FHIT: variants seen among roughly 807,000 people sequenced by gnomAD.
FHIT encodes the protein bis(5'-adenosyl)-triphosphatase.
In FHIT, 19 loss-of-function variants were observed where a neutral mutation model predicts 17.9. The observed-to-expected ratio is 1.06, with a 90% CI of 0.74 to 1.56. FHIT has a LOEUF of 1.56. FHIT is among the 40% of genes most tolerant of loss of function. The probability of loss-of-function intolerance (pLI) is 0.00; values close to 1 mark genes in which losing one functional copy is unlikely to be tolerated. For synonymous variants in FHIT, 81 were observed against 69.7 expected, an observed-to-expected ratio of 1.16 and a Z score of -0.81; for missense variants, 248 against 189.2, an observed-to-expected ratio of 1.31 and a Z score of -1.82.
chr3:60,501,748 G>A (rs1362662223), intron 5 of FHIT, among the ~76,000 whole-genome samples: 1 of 152,162 alleles, frequency 6.6e-6, no homozygotes, highest in Non-Finnish European at 1.5e-5. Context: ...ATACCAAGTA[G>A]CTATCAACTT....
intron 5 of FHIT, among the ~76,000 whole-genome samples, chr3:60,148,662 A>G (rs988970273): frequency 1.3e-5 from 2 of 152,196 alleles, no homozygotes; most frequent in Non-Finnish European, 2.9e-5. Flanking sequence ...AAGACCAAAT[A>G]TCTGCCAGTG....
At chr3:60,939,688 T>G (rs1313997924) in intron 3 of FHIT, among the ~76,000 whole-genome samples, 20 of 152,150 alleles carry the variant, frequency 1.3e-4, no homozygotes, top group Non-Finnish European at 4.4e-5. Context: ...ACAGAAATTA[T>G]TATAACCGAA....
chr3:61,076,241 T>C (rs1335996117), intron 2 of FHIT, among the ~76,000 whole-genome samples: 3 of 152,198 alleles, frequency 2.0e-5, no homozygotes, highest in South Asian at 4.1e-4. Context: ...TTAAACCCTT[T>C]TGAATTTGCA....
intron 3 of FHIT, among the ~76,000 whole-genome samples, chr3:60,841,235 C>T (rs1485387851): frequency 6.6e-6 from 1 of 152,200 alleles, no homozygotes; most frequent in Non-Finnish European, 1.5e-5. Context: ...AAAGGACAAG[C>T]TGTCAATGTG....
intron 4 of FHIT, among the ~76,000 whole-genome samples, chr3:60,557,803 T>A (rs1238818196): frequency 6.6e-6 from 1 of 152,078 alleles, no homozygotes; most frequent in Non-Finnish European, 1.5e-5. Flanking sequence ...GAAAAATGCA[T>A]TTTGAGTCCA....
chr3:60,979,909 G>T (rs1710421147), intron 3 of FHIT, among the ~76,000 whole-genome samples: 1 of 152,218 alleles, frequency 6.6e-6, no homozygotes, highest in Admixed American at 6.5e-5. Flanking sequence ...TGAGCCACAT[G>T]ATATTGCCAT....
In FHIT at chr3:59,899,130, C is replaced by T. The variant is rs546278116; in HGVS notation, c.348+23216G>A. Among the ~76,000 whole-genome samples, 5 of 152,246 alleles carry T rather than the reference C, an allele frequency of 3.3e-5. No homozygotes were observed. In the East Asian group the frequency reaches 9.7e-4, roughly 29 times the overall value. ...CCCAGAGCACAAGACAAAGTGGGAC[C>T]TTGGGCAACTGACATAACCTTTCTG... On this transcript the variant is annotated intron_variant, in intron 8 of 9. Transcript: ENST00000492590.
chr3:60,902,732 C>G (rs1056665277), intron 3 of FHIT, among the ~76,000 whole-genome samples: 3 of 152,314 alleles, frequency 2.0e-5, no homozygotes, highest in African/African-American at 7.2e-5. Flanking sequence ...GAGATACCTT[C>G]CTAACCTAGT....
intron 1 of FHIT, among the ~76,000 whole-genome samples, chr3:61,233,614 C>A (rs545339621): frequency 3.5e-4 from 53 of 152,188 alleles, no homozygotes; most frequent in Middle Eastern, 3.4e-3. Context: ...AGGATAGACA[C>A]CAATATGAGA....
At chr3:61,147,537 T>C (rs1289593471) in intron 2 of FHIT, among the ~76,000 whole-genome samples, 2 of 152,024 alleles carry the variant, frequency 1.3e-5, no homozygotes, top group Non-Finnish European at 2.9e-5. Flanking sequence ...GAACAGTGTG[T>C]GATGAATTGT....
At chr3:61,162,568 A>C (rs1483513305) in intron 2 of FHIT, among the ~76,000 whole-genome samples, 3 of 152,238 alleles carry the variant, frequency 2.0e-5, no homozygotes, top group Non-Finnish European at 4.4e-5. Flanking sequence ...TCTAAACCAT[A>C]AACATATATT....
At chr3:60,775,975 T>C (rs1553724351) in intron 4 of FHIT, among the ~76,000 whole-genome samples, 2 of 152,206 alleles carry the variant, frequency 1.3e-5, no homozygotes, top group African/African-American at 4.8e-5. Flanking sequence ...TCAGGCACTT[T>C]TAAACTGTTT....
chr3:60,712,083 A>T (rs2041550555), intron 4 of FHIT, among the ~76,000 whole-genome samples: 2 of 152,228 alleles, frequency 1.3e-5, no homozygotes, highest in South Asian at 4.1e-4. Context: ...TCTCGGCAGA[A>T]ATACTACAAG....
chr3:60,270,182 A>G (rs1333887080), intron 5 of FHIT, among the ~76,000 whole-genome samples: 1 of 152,144 alleles, frequency 6.6e-6, no homozygotes, highest in African/African-American at 2.4e-5. Context: ...ACGCAGGCGC[A>G]TGGAGCCCCA....
intron 3 of FHIT, among the ~76,000 whole-genome samples, chr3:60,909,102 G>A (rs111797269): frequency 1.9e-4 from 29 of 152,078 alleles, no homozygotes; most frequent in Admixed American, 6.5e-4. Flanking sequence ...AGGGAGCGGC[G>A]GCTCACACCT....
intron 5 of FHIT, among the ~76,000 whole-genome samples, chr3:60,442,608 C>T (rs1464360350): frequency 2.0e-5 from 3 of 152,104 alleles, no homozygotes; most frequent in African/African-American, 7.2e-5. Context: ...TTTCTGAGGG[C>T]TCTGTCCTGT....
At chr3:59,792,879 G>A (rs538439116) in intron 8 of FHIT, among the ~76,000 whole-genome samples, 2 of 147,472 alleles carry the variant, frequency 1.4e-5, no homozygotes, top group Admixed American at 1.4e-4. Flanking sequence ...TTTTGGGGGG[G>A]GGGGTCATGA....
intron 1 of FHIT, among the ~76,000 whole-genome samples, chr3:61,228,558 T>C (rs865987924): frequency 1.3e-5 from 2 of 152,230 alleles, no homozygotes; most frequent in South Asian, 4.1e-4. Context: ...AATAAATTTG[T>C]ATGCTTTTCT....
chr3:60,171,633 T>C (rs535850609), intron 5 of FHIT, among the ~76,000 whole-genome samples: 1 of 152,334 alleles, frequency 6.6e-6, no homozygotes, highest in South Asian at 2.1e-4. Flanking sequence ...CCTTCTATTC[T>C]TGGAATTTTT....
Sources: gnomAD v4.1 joint callset for allele counts (sites outside exome capture counted in the v4.1 genomes callset) on GRCh38, gnomAD v4.1.1 for gene constraint, MANE v1.5 for transcripts, NCBI Gene and HGNC (gene_info 2026-07-23, HGNC 2026-07-21) for gene names.